SLC24A2: variants seen among roughly 807,000 people sequenced by gnomAD.
SLC24A2 encodes solute carrier family 24 member 2, also known as sodium/potassium/calcium exchanger 2.
In SLC24A2, 36 loss-of-function variants were observed where a neutral mutation model predicts 62.0. That is an observed-to-expected ratio of 0.58 (90% CI 0.44 to 0.77). The LOEUF is 0.77. Among genes scored for constraint, SLC24A2 ranks in the 30% least tolerant of loss-of-function variants. The probability of loss-of-function intolerance (pLI) is 0.00; values close to 1 mark genes in which losing one functional copy is unlikely to be tolerated. For missense variants in SLC24A2, 846 were observed against 817.9 expected (o/e 1.03, Z -0.42); for synonymous variants, 358 against 294.0 (o/e 1.22, Z -2.23).
chr9:19,910,488 A>G, the SLC24A2 span, among the ~76,000 whole-genome samples: 92 of 152,132 alleles, frequency 6.0e-4, no homozygotes, highest in African/African-American at 2.1e-3. Context: ...CCTCAAAAAC[A>G]TTCTCAATTT....
At chr9:20,100,003 T>G in the SLC24A2 span, among the ~76,000 whole-genome samples, 1 of 152,128 alleles carries the variant, frequency 6.6e-6, no homozygotes, top group South Asian at 2.1e-4. Flanking sequence ...GCTTATATCC[T>G]TTTCTTCTCC....
chr9:20,162,208 T>C, the SLC24A2 span, among the ~76,000 whole-genome samples: 1 of 151,668 alleles, frequency 6.6e-6, no homozygotes, highest in Non-Finnish European at 1.5e-5. Context: ...CACAGCTATG[T>C]TATTATGCAA....
the SLC24A2 span, among the ~76,000 whole-genome samples, chr9:20,126,506 C>T: frequency 6.6e-6 from 1 of 152,130 alleles, no homozygotes; most frequent in Admixed American, 6.6e-5. Context: ...CCTACATAAT[C>T]ATCCATAAAT....
the SLC24A2 span, among the ~76,000 whole-genome samples, chr9:20,247,754 T>C: frequency 6.6e-6 from 1 of 152,190 alleles, no homozygotes; most frequent in Non-Finnish European, 1.5e-5. Context: ...GTTGGAGCCT[T>C]TTCAGGCGAC....
chr9:19,763,940 C>G (rs563866142), intron 2 of SLC24A2, among the ~76,000 whole-genome samples: 3 of 152,060 alleles, frequency 2.0e-5, no homozygotes, highest in African/African-American at 7.2e-5. Flanking sequence ...TCCATCTGGT[C>G]CCGGGCTTTT....
chr9:20,020,498 A>T, the SLC24A2 span, among the ~76,000 whole-genome samples: 8 of 152,176 alleles, frequency 5.3e-5, no homozygotes, highest in Admixed American at 3.3e-4. Flanking sequence ...GCATGTTCTT[A>T]CTCATAAGTG....
chr9:19,694,208 C>G (rs1820121698), intron 2 of SLC24A2, among the ~76,000 whole-genome samples: 2 of 152,060 alleles, frequency 1.3e-5, no homozygotes, highest in South Asian at 4.1e-4. Context: ...GAAATCTCAA[C>G]AGATAGGGTA....
intron 2 of SLC24A2, among the ~76,000 whole-genome samples, chr9:19,626,267 C>A (rs1055310439): frequency 7.9e-5 from 12 of 152,174 alleles, no homozygotes; most frequent in African/African-American, 2.9e-4. Flanking sequence ...AAAAATTAGG[C>A]CAATACTGCA....
chr9:20,004,400 G>A, the SLC24A2 span, among the ~76,000 whole-genome samples: 1 of 152,192 alleles, frequency 6.6e-6, no homozygotes, highest in African/African-American at 2.4e-5. Flanking sequence ...GCAGTGGGAA[G>A]AGTGGGGAAA....
At chr9:20,138,643 C>T in the SLC24A2 span, among the ~76,000 whole-genome samples, 1 of 152,184 alleles carries the variant, frequency 6.6e-6, no homozygotes, top group African/African-American at 2.4e-5. Flanking sequence ...TCCTCTATCC[C>T]AGGATCTCAT....
chr9:19,744,341 C>T (rs1457184932), intron 2 of SLC24A2, among the ~76,000 whole-genome samples: 1 of 152,188 alleles, frequency 6.6e-6, no homozygotes, highest in Non-Finnish European at 1.5e-5. Flanking sequence ...GATCCCATCT[C>T]CTTCTTCCTC....
chr9:19,855,935 G>A, the SLC24A2 span, among the ~76,000 whole-genome samples: 10 of 152,174 alleles, frequency 6.6e-5, no homozygotes, highest in East Asian at 1.9e-3. Flanking sequence ...TCAGTCATAG[G>A]TTTGGTCTTT....
chr9:20,051,833 C>T, the SLC24A2 span, among the ~76,000 whole-genome samples: 1 of 151,674 alleles, frequency 6.6e-6, no homozygotes, highest in East Asian at 1.9e-4. Context: ...GTATAGGAGG[C>T]AGGGCTTTCA....
chr9:20,077,970 A>G, the SLC24A2 span, among the ~76,000 whole-genome samples: 2 of 143,256 alleles, frequency 1.4e-5, no homozygotes, highest in Admixed American at 6.7e-5. Flanking sequence ...AGGCTCCACT[A>G]AAGAGAATAT....
At chr9:20,283,858 T>C in the SLC24A2 span, among the ~76,000 whole-genome samples, 2 of 152,204 alleles carry the variant, frequency 1.3e-5, no homozygotes, top group South Asian at 2.1e-4. Flanking sequence ...CCCTCTGGAA[T>C]TGAGCAGGCA....
the SLC24A2 span, among the ~76,000 whole-genome samples, chr9:19,998,631 T>G: frequency 6.6e-6 from 1 of 152,216 alleles, no homozygotes; most frequent in Non-Finnish European, 1.5e-5. Context: ...TCCATCCCTT[T>G]GTGTGCTCCC....
At chr9:19,664,838 A>G (rs1027810535) in intron 2 of SLC24A2, among the ~76,000 whole-genome samples, 2 of 152,172 alleles carry the variant, frequency 1.3e-5, no homozygotes, top group African/African-American at 4.8e-5. Flanking sequence ...GAAGCTAGGA[A>G]GAGGCAAGGA....
chr9:19,975,553 G>T, the SLC24A2 span, among the ~76,000 whole-genome samples: 4 of 152,296 alleles, frequency 2.6e-5, no homozygotes, highest in East Asian at 7.7e-4. Context: ...GCAAAAGGAA[G>T]ACAAAAATAT....
At chr9:20,050,088 A>C in the SLC24A2 span, among the ~76,000 whole-genome samples, 1 of 151,936 alleles carries the variant, frequency 6.6e-6, no homozygotes, top group Non-Finnish European at 1.5e-5. Context: ...ACAAGCCAAG[A>C]ACTGCTCCCC....
Sources: gnomAD v4.1 joint callset for allele counts (sites outside exome capture counted in the v4.1 genomes callset) on GRCh38, gnomAD v4.1.1 for gene constraint, MANE v1.5 for transcripts, NCBI Gene and HGNC (gene_info 2026-07-23, HGNC 2026-07-21) for gene names.